Variants in MREG observed in about 807,000 individuals in gnomAD.
MREG encodes dilute suppressor protein homolog.
In MREG, 31 loss-of-function variants were observed where a neutral mutation model predicts 28.5. That is an observed-to-expected ratio of 1.09 (90% CI 0.82 to 1.47). The LOEUF (loss-of-function observed/expected upper bound fraction) is 1.47, where lower values mean the gene tolerates loss of function less well. MREG is among the 40% of genes most tolerant of loss of function. MREG has a pLI of 0.00. For missense variants in MREG, 256 were observed against 257.4 expected, an observed-to-expected ratio of 0.99 and a Z score of 0.04; for synonymous variants, 106 against 95.2, an observed-to-expected ratio of 1.11 and a Z score of -0.66.
At chr2:215,986,886 T>C (rs1559187923) in intron 2 of MREG, among the ~76,000 whole-genome samples, 1 of 152,208 alleles carries the variant, frequency 6.6e-6, no homozygotes, top group Non-Finnish European at 1.5e-5. Context: ...AACAGACTAA[T>C]ACATGAAGCA....
rs1379422529 is a variant in MREG at position 215,943,605 on chromosome 2, G to A, written c.*1258C>T. ...GCCTGTAATCCCAGCACTTTGGGAG[G>A]CTGGGGCAGGCGGATGACGAGGTCA... On this transcript the variant is annotated 3_prime_UTR_variant, in exon 5 of 5. Transcript: ENST00000263268. The A allele has an allele frequency of 4.8e-6, 2 of 412,924 alleles. No homozygotes were observed. The highest frequency in any genetic ancestry group is 9.7e-6 in the Non-Finnish European group (2 of 205,824). 25.6% of individuals were successfully genotyped at this position (412,924 alleles called of 1,614,324 possible). A position where few individuals can be genotyped will look rare whatever the true frequency, so the allele number is the denominator to read the frequency against.
At chr2:216,030,497 C>T (rs1465870356) in intron 1 of MREG, among the ~76,000 whole-genome samples, 1 of 152,112 alleles carries the variant, frequency 6.6e-6, no homozygotes, top group Non-Finnish European at 1.5e-5. Context: ...CAGTGTCAGG[C>T]ATATAGTAAT....
chr2:215,962,972 C>A (rs934274651), intron 2 of MREG, among the ~76,000 whole-genome samples: 1 of 151,974 alleles, frequency 6.6e-6, no homozygotes, highest in South Asian at 2.1e-4. Flanking sequence ...TTTGTCCCTA[C>A]AAAATATACA....
chr2:215,962,131 T>G (rs1692808536), intron 2 of MREG, among the ~76,000 whole-genome samples: 4 of 152,222 alleles, frequency 2.6e-5, no homozygotes, highest in Admixed American at 2.6e-4. Context: ...TCTATTTATT[T>G]TTATTCCACG....
chr2:216,033,461 GA>G (rs1309416293), upstream of MREG, among the ~76,000 whole-genome samples: 1 of 151,994 alleles, frequency 6.6e-6, no homozygotes, highest in Non-Finnish European at 1.5e-5. Flanking sequence ...GTACTTCATG[GA>G]AAGAGAGAAT....
chr2:216,007,226 C>A (rs1003235400), intron 1 of MREG, among the ~76,000 whole-genome samples: 1 of 152,000 alleles, frequency 6.6e-6, no homozygotes, highest in African/African-American at 2.4e-5. Context: ...TACCTGTAAC[C>A]CCAAAATCAA....
At chr2:216,005,444 CTTTT>C (rs58288878) in intron 1 of MREG, among the ~76,000 whole-genome samples, 47 of 86,330 alleles carry the variant, frequency 5.4e-4, no homozygotes, top group African/African-American at 1.5e-3. Context: ...TCTAGTTATT[CTTTT>C]TTTTTTTTTT....
chr2:215,944,190 G>A lies in MREG; in HGVS notation c.*673C>T, dbSNP rs995075329. The A allele has an allele frequency of 6.6e-6, 1 of 151,980 alleles. No homozygotes were observed. 9.4% of individuals were successfully genotyped at this position (151,980 alleles called of 1,614,324 possible). A position where few individuals can be genotyped will look rare whatever the true frequency, so the allele number is the denominator to read the frequency against. ...AGACAGGGTTTCACCATGTTGGTCA[G>A]GCTGGTCTTGAACTCCTGACCTCAT... is the stretch of plus-strand genomic sequence containing the variant. On this transcript the variant is annotated 3_prime_UTR_variant, in exon 5 of 5. Coordinates refer to ENST00000263268, the MANE Select transcript of MREG (RefSeq NM_018000.3).
At chr2:215,950,997 CTCTCTCTCTCTGTCTCTT>C (rs1692467064) in intron 2 of MREG, among the ~76,000 whole-genome samples, 1 of 152,084 alleles carries the variant, frequency 6.6e-6, no homozygotes, top group African/African-American at 2.4e-5. Flanking sequence ...CCCCTTCTCT[CTCTCTCTCTCTGTCTCTT>C]TCTCTCTCTC....
intron 2 of MREG, among the ~76,000 whole-genome samples, chr2:215,989,426 C>T (rs1037471859): frequency 6.6e-6 from 1 of 152,088 alleles, no homozygotes; most frequent in African/African-American, 2.4e-5. Context: ...AGATAAATCC[C>T]CGAAGATGAG....
intron 2 of MREG, among the ~76,000 whole-genome samples, chr2:215,991,290 T>C (rs1168443796): frequency 6.6e-6 from 1 of 152,220 alleles, no homozygotes; most frequent in Non-Finnish European, 1.5e-5. Context: ...GTTTAATGAC[T>C]ACTGGGTAAA....
intron 2 of MREG, among the ~76,000 whole-genome samples, chr2:215,985,397 G>C (rs1455150655): frequency 2.0e-5 from 3 of 152,118 alleles, no homozygotes; most frequent in Non-Finnish European, 4.4e-5. Context: ...TCAAAGACAA[G>C]AGCAATAATT....
At chr2:216,000,264 A>G (rs767261241) in intron 1 of MREG, among the ~76,000 whole-genome samples, 1 of 151,982 alleles carries the variant, frequency 6.6e-6, no homozygotes, top group East Asian at 1.9e-4. Context: ...AGTCCCCCCA[A>G]CATGAGTTCC....
intron 2 of MREG, among the ~76,000 whole-genome samples, chr2:215,973,471 C>T (rs928621493): frequency 6.6e-6 from 1 of 152,200 alleles, no homozygotes; most frequent in Non-Finnish European, 1.5e-5. Flanking sequence ...CCACAGGCCT[C>T]TCCCTCCTTA....
rs71982102 is a variant in MREG, at chr2:215,974,825, GACAC to G, written c.255+21477_255+21480del. ...AAACACAGACACAGACACACACACA[GACAC>G]ACACACACACACACACACACACACT... is the stretch of plus-strand genomic sequence containing the variant. On this transcript the variant is annotated intron_variant, in intron 2 of 4. Transcript: ENST00000263268. 1.1e-3 allele frequency among the ~76,000 whole-genome samples: 140 copies of G among 126,648 alleles called. No individual in the cohort carries two copies. In the South Asian group the frequency reaches 0.012, roughly 11 times the overall value. The allele number at this position is 126,648 out of a possible 152,430, so 83.1% of individuals were successfully genotyped here.
At chr2:215,999,022 T>C (rs1693944563) in intron 1 of MREG, among the ~76,000 whole-genome samples, 1 of 152,176 alleles carries the variant, frequency 6.6e-6, no homozygotes. Flanking sequence ...CTGAACAGGC[T>C]TCCACCAGGA....
chr2:216,025,819 A>C (rs953432660), intron 1 of MREG, among the ~76,000 whole-genome samples: 4 of 152,226 alleles, frequency 2.6e-5, no homozygotes, highest in Non-Finnish European at 5.9e-5. Context: ...CCTGCACCGA[A>C]ATCCATCCGT....
downstream of MREG, chr2:215,939,784 G>T (rs1692174716): frequency 6.6e-6 from 1 of 152,170 alleles, no homozygotes; most frequent in Non-Finnish European, 1.5e-5. Context: ...GTGGATTCCT[G>T]ATTAAGATAC....
chr2:215,990,303 A>G (rs563060856), intron 2 of MREG, among the ~76,000 whole-genome samples: 1 of 152,362 alleles, frequency 6.6e-6, no homozygotes, highest in South Asian at 2.1e-4. Flanking sequence ...AATAAGCTTC[A>G]TAAGTGAAAG....
Sources: gnomAD v4.1 joint callset for allele counts (sites outside exome capture counted in the v4.1 genomes callset) on GRCh38, gnomAD v4.1.1 for gene constraint, MANE v1.5 for transcripts, NCBI Gene and HGNC (gene_info 2026-07-23, HGNC 2026-07-21) for gene names.